LRP1B: variants seen among roughly 807,000 people sequenced by gnomAD.
The protein encoded by LRP1B is low-density lipoprotein receptor-related protein 1B.
In LRP1B, 217 loss-of-function variants were observed where a neutral mutation model predicts 556.6. That is an observed-to-expected ratio of 0.39 (90% confidence interval 0.35 to 0.44). The LOEUF (loss-of-function observed/expected upper bound fraction) is 0.44, where lower values mean the gene tolerates loss of function less well. Ranked by LOEUF, LRP1B falls within the 20% of genes least tolerant of loss-of-function variation. LRP1B has a pLI of 1.00. For synonymous variants in LRP1B, 2,047 were observed against 1,865.8 expected, an observed-to-expected ratio of 1.10 and a Z score of -2.50; for missense variants, 5,053 against 5,620.8, an observed-to-expected ratio of 0.90 and a Z score of 3.23.
At chr2:140,644,921 C>T (rs1405359840) in intron 41 of LRP1B, among the ~76,000 whole-genome samples, 2 of 152,062 alleles carry the variant, frequency 1.3e-5, no homozygotes, top group East Asian at 1.9e-4. Context: ...TGAGTACATA[C>T]ATTCTTTGCA....
intron 3 of LRP1B, among the ~76,000 whole-genome samples, chr2:141,333,457 A>G (rs1279208352): frequency 3.9e-5 from 6 of 152,266 alleles, no homozygotes; most frequent in East Asian, 1.9e-4. Context: ...ATGTCTTCTT[A>G]TCATAGTTTT....
At chr2:140,543,089 T>C (rs1176023331) in intron 43 of LRP1B, among the ~76,000 whole-genome samples, 1 of 152,106 alleles carries the variant, frequency 6.6e-6, no homozygotes, top group Non-Finnish European at 1.5e-5. Context: ...GTTCTAGTCT[T>C]CTCTAACAAA....
chr2:140,242,169 C>T (rs535261356), intron 87 of LRP1B, among the ~76,000 whole-genome samples: 1 of 151,146 alleles, frequency 6.6e-6, no homozygotes, highest in South Asian at 2.1e-4. Context: ...TGCTCAGGCA[C>T]ATTAATTATA....
chr2:141,978,529 A>T (rs1240673292), intron 1 of LRP1B, among the ~76,000 whole-genome samples: 1 of 152,028 alleles, frequency 6.6e-6, no homozygotes, highest in Non-Finnish European at 1.5e-5. Flanking sequence ...TAAAAATTTT[A>T]TATTGTCTTC....
chr2:141,035,801 T>G (rs1698516315), intron 11 of LRP1B, among the ~76,000 whole-genome samples: 1 of 152,158 alleles, frequency 6.6e-6, no homozygotes, highest in South Asian at 2.1e-4. Context: ...TAAATCTTTT[T>G]GCATCAAGTA....
Position 140,650,213 on chromosome 2 carries a change from A to AT in LRP1B, c.6800-48575dup, listed in dbSNP as rs1252941755. 9.2e-5 allele frequency among the ~76,000 whole-genome samples: 14 copies of AT among 151,900 alleles called. No homozygotes were observed. The South Asian group carries it at 2.9e-3, about 31-fold the overall frequency. Reference sequence around the variant, plus strand: ...ATTTGAATGTTTTACTTTTTCTAATATAAAAAAAAGGCAGAGGTTAATCAG... The same window carrying AT: ...ATTTGAATGTTTTACTTTTTCTAATATTAAAAAAAAGGCAGAGGTTAATCAG... On this transcript the variant is annotated intron_variant, in intron 41 of 90. Coordinates refer to ENST00000389484, the MANE Select transcript of LRP1B (RefSeq NM_018557.3).
At chr2:141,553,989 T>G (rs1685860605) in intron 2 of LRP1B, among the ~76,000 whole-genome samples, 1 of 139,888 alleles carries the variant, frequency 7.1e-6, no homozygotes, top group Non-Finnish European at 1.5e-5. Flanking sequence ...TAGACATAGA[T>G]ATAGATTATA....
chr2:141,735,015 T>C (rs186057272), intron 2 of LRP1B, among the ~76,000 whole-genome samples: 61 of 152,268 alleles, frequency 4.0e-4, no homozygotes, highest in African/African-American at 1.3e-3. Context: ...CATTTGAATA[T>C]TGAAAATCTT....
intron 60 of LRP1B, among the ~76,000 whole-genome samples, chr2:140,463,048 G>A (rs1190600924): frequency 6.6e-6 from 1 of 152,184 alleles, no homozygotes; most frequent in Non-Finnish European, 1.5e-5. Flanking sequence ...ACAATTAGCA[G>A]TGAAAAAACG....
intron 2 of LRP1B, among the ~76,000 whole-genome samples, chr2:141,491,504 T>C (rs1683334136): frequency 2.6e-5 from 4 of 152,254 alleles, no homozygotes; most frequent in Admixed American, 2.6e-4. Flanking sequence ...AACTGGGTGA[T>C]AGCTCCTAAC....
chr2:141,577,107 T>C (rs918699908), intron 2 of LRP1B, among the ~76,000 whole-genome samples: 9 of 152,316 alleles, frequency 5.9e-5, no homozygotes, highest in Non-Finnish European at 1.2e-4. Context: ...ACAGTGATCA[T>C]TGGTGACTAT....
At chr2:141,330,753 T>G (rs1687608525) in intron 3 of LRP1B, among the ~76,000 whole-genome samples, 1 of 145,922 alleles carries the variant, frequency 6.9e-6, no homozygotes. Flanking sequence ...CAAACTTTTT[T>G]TTTTTTTTTT....
At chr2:140,811,401 T>C (rs1690920245) in intron 32 of LRP1B, among the ~76,000 whole-genome samples, 1 of 152,332 alleles carries the variant, frequency 6.6e-6, no homozygotes, top group South Asian at 2.1e-4. Context: ...AGCAGCAATA[T>C]TAGCAGAAAT....
chr2:140,714,910 G>C (rs1261454713), intron 37 of LRP1B, among the ~76,000 whole-genome samples: 1 of 151,968 alleles, frequency 6.6e-6, no homozygotes, highest in Non-Finnish European at 1.5e-5. Flanking sequence ...TACAAATAAT[G>C]TATACAATAA....
chr2:140,724,829 C>G (rs1292601345), intron 35 of LRP1B, among the ~76,000 whole-genome samples: 3 of 152,150 alleles, frequency 2.0e-5, no homozygotes, highest in African/African-American at 7.2e-5. Context: ...ATTCCTCTCC[C>G]TGCCACCCCA....
chr2:141,021,006 T>A (rs1698049277), intron 11 of LRP1B, among the ~76,000 whole-genome samples: 1 of 152,014 alleles, frequency 6.6e-6, no homozygotes, highest in Admixed American at 6.6e-5. Flanking sequence ...ACAACTACGA[T>A]TCCATTCTTC....
At chr2:142,030,117 A>C (rs2105193748) in intron 1 of LRP1B, among the ~76,000 whole-genome samples, 1 of 151,822 alleles carries the variant, frequency 6.6e-6, no homozygotes, top group East Asian at 1.9e-4. Flanking sequence ...GTGATCATAT[A>C]TGCGTGTATT....
At chr2:141,916,348 C>CTTATTTAT (rs61643665) in intron 1 of LRP1B, among the ~76,000 whole-genome samples, 11,649 of 141,774 alleles carry the variant, frequency 0.082, 530 homozygotes, top group Middle Eastern at 0.11. Flanking sequence ...CACGTTTTCA[C>CTTATTTAT]TTATTTATTT....
chr2:140,851,795 C>T lies in LRP1B; in HGVS notation c.4580-12G>A, dbSNP rs2105122254. ...ACAAGGATTGGGAGCTGTAATTACA[C>T]AGTGAAATATGAACAGTGAAGAAGG... On this transcript the variant is annotated splice_polypyrimidine_tract_variant and intron_variant, in intron 27 of 90. Transcript: ENST00000389484. 3.1e-6 allele frequency: 5 copies of T among 1,591,398 alleles called. No homozygotes were observed. Among genetic ancestry groups the T allele is most frequent in the Non-Finnish European group, 4.3e-6 (5 of 1,173,538 alleles).
Sources: gnomAD v4.1 joint callset for allele counts (sites outside exome capture counted in the v4.1 genomes callset) on GRCh38, gnomAD v4.1.1 for gene constraint, MANE v1.5 for transcripts, NCBI Gene and HGNC (gene_info 2026-07-23, HGNC 2026-07-21) for gene names.